Variants in BTN3A3 observed in about 807,000 individuals in gnomAD.
The protein encoded by BTN3A3 is butyrophilin subfamily 3 member A3.
Under a neutral mutation model 43.2 loss-of-function variants are expected in BTN3A3, and 39 were observed. That is an observed-to-expected ratio of 0.90 (90% CI 0.70 to 1.18). BTN3A3 has a LOEUF of 1.18. Among genes scored for constraint, BTN3A3 ranks in the 50% most tolerant of loss-of-function variants. The pLI, the probability that BTN3A3 is intolerant of heterozygous loss-of-function variation, is 0.00. For synonymous variants in BTN3A3, 255 were observed against 272.7 expected, an observed-to-expected ratio of 0.93 and a Z score of 0.64; for missense variants, 631 against 722.8, an observed-to-expected ratio of 0.87 and a Z score of 1.46.
At position 26,452,914 on chromosome 6, in the gene BTN3A3, C is replaced by G. The variant is rs1762966344; in HGVS notation, c.*503C>G. The G allele has an allele frequency of 6.2e-6, 1 of 160,158 alleles. No homozygotes were observed. The highest frequency in any genetic ancestry group is 5.8e-5 in the Admixed American group (1 of 17,384). 9.9% of individuals were successfully genotyped at this position (160,158 alleles called of 1,614,324 possible). On this transcript the variant is annotated 3_prime_UTR_variant, in exon 11 of 11. Coordinates refer to ENST00000244519, the MANE Select transcript of BTN3A3 (RefSeq NM_006994.5). ...GACATCCCTATTGACTCTTTCCCAGCTGATATCAGAGACTTAGACCCAGCA... is the reference window on the plus strand; with the variant it reads ...GACATCCCTATTGACTCTTTCCCAGGTGATATCAGAGACTTAGACCCAGCA...
At position 26,452,395 on chromosome 6, in the gene BTN3A3, C is replaced by A. The variant is rs1261951740; in HGVS notation, c.1739C>A (p.Thr580Asn). Residue 580 changes from threonine (T) to asparagine (N), a missense_variant, in exon 11 of 11, where the codon ACT becomes AAT. Around this residue, in one of 2 missense-constraint regions of BTN3A3, gnomAD observed 551 missense variants for 584.0 expected, o/e 0.94. Coordinates refer to ENST00000244519, the MANE Select transcript of BTN3A3 (RefSeq NM_006994.5). ...CAGAACCATAAGCTACAGGCACGCA[C>A]TGAAGCACTTTACTGATATTCATTC... ...TNQNHKLQAR[T>N]EALY 6.9e-6 allele frequency: 11 copies of A among 1,600,876 alleles called. No homozygotes were observed. The highest frequency in any genetic ancestry group is 8.5e-6 in the Non-Finnish European group (10 of 1,178,484).
At position 26,453,297 on chromosome 6, in the gene BTN3A3, G is replaced by A. The variant is rs1166152893; in HGVS notation, c.*886G>A. Reference sequence around the variant, plus strand: ...TAAACCCATATTCCTTTCAACTGCTGCCTGCTAGGGAAAACTGCTCCTCAT... The same window carrying A: ...TAAACCCATATTCCTTTCAACTGCTACCTGCTAGGGAAAACTGCTCCTCAT... On this transcript the variant is annotated 3_prime_UTR_variant, in exon 11 of 11. Transcript: ENST00000244519. 1 of 151,142 alleles carries A rather than the reference G, an allele frequency of 6.6e-6. No individual in the cohort carries two copies. The highest frequency in any genetic ancestry group is 1.5e-5 in the Non-Finnish European group (1 of 68,002). The allele number at this position is 151,142 out of a possible 1,614,324, so 9.4% of individuals were successfully genotyped here.
In BTN3A3 at chr6:26,448,639, T is replaced by A. The variant is rs1236792750; in HGVS notation, c.937+2T>A. The A allele has an allele frequency of 3.1e-6, 5 of 1,613,920 alleles. 1 individual carries two copies. The highest frequency in any genetic ancestry group is 4.5e-5 in the East Asian group (2 of 44,862). On this transcript the variant is annotated splice_donor_variant, in intron 7 of 10. Transcript: ENST00000244519. LOFTEE classifies it high-confidence loss of function. ...CAGAGAAGCTCCAGGAGGAACTCAGTAAGTTCCCATTCCCCAGGAGACCCA... is the reference window on the plus strand; with the variant it reads ...CAGAGAAGCTCCAGGAGGAACTCAGAAAGTTCCCATTCCCCAGGAGACCCA...
intron 1 of BTN3A3, 122 bp downstream of exon 1, chr6:26,440,770 CTCTGTGTGTGTGTGTGTGTG>C (rs1298399324): frequency 7.9e-6 from 1 of 127,374 alleles, no homozygotes; most frequent in Non-Finnish European, 1.6e-5. Flanking sequence ...GGTGCAGTGC[CTCTGTGTGTGTGTGTGTGTG>C]TGTGTGTGTG....
In BTN3A3 at chr6:26,451,961, C is replaced by G. The variant is rs779712418; in HGVS notation, c.1305C>G (p.Gly435=). Residue 435 remains glycine (G), a synonymous_variant, in exon 11 of 11, where the codon GGC becomes GGG. Coordinates refer to ENST00000244519, the MANE Select transcript of BTN3A3 (RefSeq NM_006994.5). ...CGGAGAACGGATACTGGACTATGGG[C>G]CTGACTGATGGGAATAAGTATCGGG... ...MTPENGYWTM[G]LTDGNKYRAL... is the part of the protein sequence containing the mutation. The G allele has an allele frequency of 1.6e-5, 26 of 1,613,880 alleles. 1 individual carries two copies. The highest frequency in any genetic ancestry group is 2.2e-5 in the East Asian group (1 of 44,888).
chr6:26,449,968 CAG>C lies in BTN3A3; in HGVS notation c.992-136_992-135del, dbSNP rs1762885161. On this transcript the variant is annotated intron_variant, in intron 9 of 10. Transcript: ENST00000244519. The stretch of plus-strand genomic sequence containing the variant: ...TTAGAAGGTGCCACCTCTGATCTAT[CAG>C]AGCTGTAGAGGAAGGAAGCTGAAGC... 3 of 1,057,966 alleles carry C rather than the reference CAG, an allele frequency of 2.8e-6. No individual in the cohort carries two copies. The South Asian group carries it at 4.5e-5, about 16-fold the overall frequency. 65.5% of individuals were successfully genotyped at this position (1,057,966 alleles called of 1,614,324 possible). A position where few individuals can be genotyped will look rare whatever the true frequency, so the allele number is the denominator to read the frequency against.
chr6:26,448,510 C>T (rs533266857), intron 6 of BTN3A3, 62 bp downstream of exon 6: 5 of 1,607,578 alleles, frequency 3.1e-6, no homozygotes, highest in Non-Finnish European at 3.4e-6. Context: ...GAAGATCTCA[C>T]CCCCATTCCC....
intron 4 of BTN3A3, 198 bp downstream of exon 4, chr6:26,444,502 G>A: frequency 1.1e-6 from 1 of 879,952 alleles, no homozygotes; most frequent in Non-Finnish European, 1.7e-6. Flanking sequence ...TACCTTACAT[G>A]CCGAAGTAAA....
intron 5 of BTN3A3, among the ~76,000 whole-genome samples, chr6:26,446,426 A>G (rs1450386207): frequency 6.6e-6 from 1 of 152,218 alleles, no homozygotes; most frequent in Non-Finnish European, 1.5e-5. Context: ...ATAACCCACA[A>G]AAGAGTGCTC....
rs1413745750 is a variant in BTN3A3, at chr6:26,440,648, A to G, written c.-67A>G. On this transcript the variant is annotated splice_region_variant and 5_prime_UTR_variant, in exon 1 of 11. Coordinates refer to ENST00000244519, the MANE Select transcript of BTN3A3 (RefSeq NM_006994.5). ...TGATTTTCAGAGGGGAATACTAAGA[A>G]GTAAGTGGGGAATGTTGATTAGAGC... 6.6e-6 allele frequency: 1 copy of G among 152,314 alleles called. No individual in the cohort carries two copies. Among genetic ancestry groups the G allele is most frequent in the African/African-American group, 2.4e-5 (1 of 41,466 alleles). 9.4% of individuals were successfully genotyped at this position (152,314 alleles called of 1,614,324 possible).
In BTN3A3 at chr6:26,448,367, G is replaced by T; in HGVS notation, c.835G>T (p.Ala279Ser). 1 of 1,613,920 alleles carries T rather than the reference G, an allele frequency of 6.2e-7. No individual in the cohort carries two copies. The highest frequency in any genetic ancestry group is 1.3e-5 in the African/African-American group (1 of 74,936). Residue 279 changes from alanine (A) to serine (S), a missense_variant, in exon 6 of 11, where the codon GCT (alanine) becomes TCT (serine). Physicochemically the swap from Ala to Ser is moderately conservative, Grantham distance 99. This residue lies in a region of BTN3A3 where 551 missense variants were observed against 584.0 expected (regional missense o/e 0.94). Transcript: ENST00000244519. Reference sequence around the variant, plus strand: ...GTGGAGACAACAGAAGGAAAAAATTGCTCTGTCCAGGGAGACAGAAAGAGA... The same window carrying T: ...GTGGAGACAACAGAAGGAAAAAATTTCTCTGTCCAGGGAGACAGAAAGAGA... Reference protein sequence around the residue: ...FLWRQQKEKIALSRETERERE... With the variant: ...FLWRQQKEKISLSRETERERE...
At position 26,452,452 on chromosome 6, in the gene BTN3A3, C is replaced by A; in HGVS notation, c.*41C>A. The A allele has an allele frequency of 6.6e-7, 1 of 1,511,704 alleles. No individual in the cohort carries two copies. The highest frequency in any genetic ancestry group is 8.9e-7 in the Non-Finnish European group (1 of 1,127,842). The allele number at this position is 1,511,704 out of a possible 1,614,324, so 93.6% of individuals were successfully genotyped here. A position where few individuals can be genotyped will look rare whatever the true frequency, so the allele number is the denominator to read the frequency against. On this transcript the variant is annotated 3_prime_UTR_variant, in exon 11 of 11. Transcript: ENST00000244519. ...TCCATATGACAGTTGTTTTGAGTTT[C>A]GTACCACCTTATTGTCCCCTTATAC...
At chr6:26,445,673 C>A in intron 4 of BTN3A3, 31 bp from the exon 5 acceptor site, 1 of 1,602,128 alleles carries the variant, frequency 6.2e-7, no homozygotes, top group Non-Finnish European at 8.5e-7. Context: ...CAGGAGCTCT[C>A]AAGAATTTAG....
At position 26,448,280 on chromosome 6, in the gene BTN3A3, G is replaced by A. The variant is rs761470254; in HGVS notation, c.748G>A (p.Ala250Thr). Residue 250 changes from alanine to threonine, a missense_variant, in exon 6 of 11, where the codon GCG becomes ACG. This residue lies in a region of BTN3A3 where 551 missense variants were observed against 584.0 expected (regional missense o/e 0.94). Coordinates refer to ENST00000244519, the MANE Select transcript of BTN3A3 (RefSeq NM_006994.5). ...PFFRSAQPWI[A>T]ALAGTLPISL... Reference sequence around the variant, plus strand: ...CTTCAGGAGCGCCCAGCCCTGGATCGCGGCCCTGGCAGGGACCCTGCCTAT... The same window carrying A: ...CTTCAGGAGCGCCCAGCCCTGGATCACGGCCCTGGCAGGGACCCTGCCTAT... The A allele has an allele frequency of 3.6e-5, 58 of 1,613,554 alleles. No individual in the cohort carries two copies. The South Asian group carries it at 4.5e-4, about 13-fold the overall frequency.
rs1762596060 is a variant in BTN3A3 at position 26,440,522 on chromosome 6, A to G, written c.-193A>G. The G allele has an allele frequency of 6.6e-6, 1 of 152,262 alleles. No individual in the cohort carries two copies. Among genetic ancestry groups the G allele is most frequent in the South Asian group, 2.1e-4 (1 of 4,834 alleles). 9.4% of individuals were successfully genotyped at this position (152,262 alleles called of 1,614,324 possible). ...AGAGATTGTTATTATTCCTCACAAT[A>G]ACCAGATAGCCTCTGCTTTCTTTTT... On this transcript the variant is annotated 5_prime_UTR_variant, in exon 1 of 11. It adds an upstream start codon to the 5' untranslated region. Coordinates refer to ENST00000244519, the MANE Select transcript of BTN3A3 (RefSeq NM_006994.5).
At chr6:26,443,815 C>G in intron 3 of BTN3A3, 142 bp from the exon 4 acceptor site, 1 of 1,486,642 alleles carries the variant, frequency 6.7e-7, no homozygotes, top group South Asian at 1.2e-5. Context: ...CCACCTGTCA[C>G]AAAGAGACAA....
intron 6 of BTN3A3, 64 bp from the exon 7 acceptor site, chr6:26,448,553 T>C: frequency 6.2e-7 from 1 of 1,612,610 alleles, no homozygotes; most frequent in Non-Finnish European, 8.5e-7. Flanking sequence ...AAGGTTTATT[T>C]TCCCAAAACC....
intron 4 of BTN3A3, chr6:26,445,217 G>A (rs898557309): frequency 4.3e-5 from 7 of 162,736 alleles, no homozygotes; most frequent in African/African-American, 1.7e-4. Flanking sequence ...CTGGTATCAG[G>A]TTCCAGACGC....
chr6:26,451,839 C>T lies in BTN3A3; in HGVS notation c.1183C>T (p.His395Tyr). ...CTGTGAAAACTTCACATCAGGGAGA[C>T]ATTACTGGGAGGTGGAAGTGGGGGA... is the stretch of plus-strand genomic sequence containing the variant. Reference protein sequence around the residue: ...LGCENFTSGRHYWEVEVGDRK... With the variant: ...LGCENFTSGRYYWEVEVGDRK... Residue 395 changes from histidine (H) to tyrosine (Y), a missense_variant, in exon 11 of 11, where the codon CAT (histidine) becomes TAT (tyrosine). Coordinates refer to ENST00000244519, the MANE Select transcript of BTN3A3 (RefSeq NM_006994.5). The T allele has an allele frequency of 6.2e-7, 1 of 1,614,084 alleles. No homozygotes were observed. The highest frequency in any genetic ancestry group is 8.5e-7 in the Non-Finnish European group (1 of 1,180,000).
Sources: allele counts gnomAD v4.1 joint callset (sites outside exome capture counted in the v4.1 genomes callset), GRCh38; gene constraint gnomAD v4.1.1; regional missense constraint gnomAD v4.1.1; transcripts MANE v1.5; gene names NCBI Gene and HGNC (gene_info 2026-07-23, HGNC 2026-07-21).